PKIG: variants seen among roughly 807,000 people sequenced by gnomAD.
The protein encoded by PKIG is cAMP-dependent protein kinase inhibitor gamma.
In PKIG, 1 loss-of-function variant was observed where a neutral mutation model predicts 6.8. The observed-to-expected ratio is 0.15, with a 90% CI of 0.05 to 0.69. The LOEUF is 0.69. Among genes scored for constraint, PKIG ranks in the 30% least tolerant of loss-of-function variants. The pLI is 0.82. For missense variants in PKIG, 77 were observed against 104.0 expected, an observed-to-expected ratio of 0.74 and a Z score of 1.13; for synonymous variants, 39 against 43.0, an observed-to-expected ratio of 0.91 and a Z score of 0.36.
intron 1 of PKIG, among the ~76,000 whole-genome samples, chr20:44,564,041 T>G (rs2064790136): frequency 1.3e-5 from 2 of 152,258 alleles, no homozygotes; most frequent in Admixed American, 1.3e-4. Context: ...TGGAAATACC[T>G]TCTCCATTGT....
In PKIG at chr20:44,551,806, G is replaced by T. The variant is rs576598048; in HGVS notation, c.-241+19828G>T. Reference sequence around the variant, plus strand: ...ATTCAGAGTTGAGGTAATAAAGGTGGTAGAACTTATCTGTAATTCTCCTTT... The same window carrying T: ...ATTCAGAGTTGAGGTAATAAAGGTGTTAGAACTTATCTGTAATTCTCCTTT... On this transcript the variant is annotated intron_variant, in intron 1 of 4. Transcript: ENST00000372887. Among the ~76,000 whole-genome samples the T allele has an allele frequency of 3.3e-5, 5 of 152,270 alleles. No individual in the cohort carries two copies. In the South Asian group the frequency reaches 1.0e-3, roughly 32 times the overall value.
chr20:44,549,465 G>T (rs79557608), intron 1 of PKIG, among the ~76,000 whole-genome samples: 2,767 of 152,062 alleles, frequency 0.018, 89 homozygotes, highest in African/African-American at 0.064. Context: ...AAAAGCTCCC[G>T]CACAAATCAT....
chr20:44,595,226 G>C (rs1000622526), intron 2 of PKIG, among the ~76,000 whole-genome samples: 15 of 152,314 alleles, frequency 9.8e-5, no homozygotes, highest in African/African-American at 2.9e-4. Flanking sequence ...CACACGCAGA[G>C]AATATATACT....
At chr20:44,581,861 T>C (rs1019884293), upstream of PKIG, among the ~76,000 whole-genome samples, 2 of 152,172 alleles carry the variant, frequency 1.3e-5, no homozygotes, top group Non-Finnish European at 2.9e-5. Flanking sequence ...CTATAATGCA[T>C]TTGTTTATAA....
intron 1 of PKIG, among the ~76,000 whole-genome samples, chr20:44,538,762 T>C (rs941595880): frequency 3.3e-5 from 5 of 152,186 alleles, no homozygotes; most frequent in African/African-American, 1.2e-4. Flanking sequence ...GTATTCAGTT[T>C]CCTCAACAAT....
At chr20:44,601,630 C>T (rs749590962) in intron 2 of PKIG, among the ~76,000 whole-genome samples, 26 of 152,212 alleles carry the variant, frequency 1.7e-4, no homozygotes, top group Admixed American at 1.4e-3. Flanking sequence ...ACGGCCCTTT[C>T]GTCCCTCAGA....
intron 1 of PKIG, among the ~76,000 whole-genome samples, chr20:44,568,642 C>T (rs563121563): frequency 6.6e-6 from 1 of 151,964 alleles, no homozygotes; most frequent in Non-Finnish European, 1.5e-5. Context: ...GTAGAGACGG[C>T]GTTTCACCAT....
chr20:44,547,213 C>CT (rs1442321372), intron 1 of PKIG, among the ~76,000 whole-genome samples: 1 of 152,170 alleles, frequency 6.6e-6, no homozygotes, highest in Non-Finnish European at 1.5e-5. Context: ...TGGAGCTAGT[C>CT]TTGTAGCCTT....
At chr20:44,599,081 G>A (rs753366522) in intron 2 of PKIG, among the ~76,000 whole-genome samples, 4 of 152,132 alleles carry the variant, frequency 2.6e-5, no homozygotes, top group Non-Finnish European at 5.9e-5. Flanking sequence ...AAATGCATCT[G>A]GTGTATGTTT....
At chr20:44,539,091 A>G (rs1319994738) in intron 1 of PKIG, among the ~76,000 whole-genome samples, 2 of 151,638 alleles carry the variant, frequency 1.3e-5, no homozygotes, top group Non-Finnish European at 2.9e-5. Flanking sequence ...ACCATACCCC[A>G]CTAATTTTTG....
chr20:44,533,987 G>C (rs1038848882), intron 1 of PKIG, among the ~76,000 whole-genome samples: 1 of 152,220 alleles, frequency 6.6e-6, no homozygotes, highest in South Asian at 2.1e-4. Flanking sequence ...AATATCAGCA[G>C]CTTTCAAAGG....
At chr20:44,600,850 C>T (rs2065115923) in intron 2 of PKIG, among the ~76,000 whole-genome samples, 3 of 151,990 alleles carry the variant, frequency 2.0e-5, no homozygotes, top group Admixed American at 6.5e-5. Context: ...GGTGACTTGA[C>T]GTCTGAAGCT....
intron 1 of PKIG, among the ~76,000 whole-genome samples, chr20:44,557,073 A>G (rs1191156234): frequency 1.3e-5 from 2 of 152,234 alleles, no homozygotes; most frequent in African/African-American, 4.8e-5. Flanking sequence ...TTAAGGTCGT[A>G]TATAAATAAA....
rs1420141669 is a variant in PKIG, at chr20:44,614,782, C to A, written c.151+75C>A. On this transcript the variant is annotated intron_variant, in intron 3 of 3. Transcript: ENST00000372886. The surrounding 1 kb of genome is among the most constrained non-coding windows in gnomAD (Gnocchi z 4.6). ...CGGGCCCCGGGCTAGCCTCCAAGTC[C>A]TAGACTGCCCATACTTTCTTAGAGA... 1 of 1,462,120 alleles carries A rather than the reference C, an allele frequency of 6.8e-7. No homozygotes were observed. The highest frequency in any genetic ancestry group is 9.4e-7 in the Non-Finnish European group (1 of 1,062,750). The allele number at this position is 1,462,120 out of a possible 1,614,324, so 90.6% of individuals were successfully genotyped here.
intron 2 of PKIG, among the ~76,000 whole-genome samples, chr20:44,592,548 C>T (rs2065041830): frequency 6.6e-6 from 1 of 152,166 alleles, no homozygotes; most frequent in Non-Finnish European, 1.5e-5. Context: ...TAGGAGTGTG[C>T]CTGCTCATCT....
chr20:44,556,753 G>A (rs972365905), intron 1 of PKIG, among the ~76,000 whole-genome samples: 1 of 152,076 alleles, frequency 6.6e-6, no homozygotes, highest in Non-Finnish European at 1.5e-5. Flanking sequence ...AGAGTAGAGG[G>A]TTGATAGATA....
chr20:44,595,671 G>A (rs1486218893), intron 2 of PKIG, among the ~76,000 whole-genome samples: 1 of 152,110 alleles, frequency 6.6e-6, no homozygotes, highest in African/African-American at 2.4e-5. Flanking sequence ...GCACCACCAT[G>A]CCCGGCTAAT....
intron 2 of PKIG, among the ~76,000 whole-genome samples, chr20:44,591,416 T>C (rs1206164744): frequency 6.6e-6 from 1 of 152,048 alleles, no homozygotes; most frequent in Admixed American, 6.5e-5. Flanking sequence ...GGAGACTGTC[T>C]AGCTTCAGTT....
chr20:44,540,405 G>T, intron 1 of PKIG, among the ~76,000 whole-genome samples: 1 of 152,076 alleles, frequency 6.6e-6, no homozygotes, highest in Admixed American at 6.6e-5. Flanking sequence ...ATTCATTTTA[G>T]AATTTCCTTT....
Sources: gnomAD v4.1 joint callset for allele counts (sites outside exome capture counted in the v4.1 genomes callset) on GRCh38, gnomAD v4.1.1 for gene constraint, Gnocchi (gnomAD v3.1) non-coding constraint, MANE v1.5 for transcripts, NCBI Gene and HGNC (gene_info 2026-07-23, HGNC 2026-07-21) for gene names.